NR2C2: variants seen among roughly 807,000 people sequenced by gnomAD.
NR2C2 encodes nuclear receptor subfamily 2 group C member 2.
A neutral mutation model predicts 62.9 loss-of-function variants in NR2C2; 6 were observed. The ratio of observed to expected loss-of-function variants is 0.10; its 90% CI spans 0.05 to 0.19. The LOEUF (loss-of-function observed/expected upper bound fraction) is 0.19, where lower values mean the gene tolerates loss of function less well. Among genes scored for constraint, NR2C2 ranks in the 10% least tolerant of loss-of-function variants. NR2C2 has a pLI of 1.00. For missense variants in NR2C2, 479 were observed against 762.7 expected, an observed-to-expected ratio of 0.63 and a Z score of 4.38; for synonymous variants, 272 against 273.8, an observed-to-expected ratio of 0.99 and a Z score of 0.07.
intron 1 of NR2C2, among the ~76,000 whole-genome samples, chr3:14,948,967 A>C (rs1051875882): frequency 6.6e-6 from 1 of 152,190 alleles, no homozygotes; most frequent in Non-Finnish European, 1.5e-5. Flanking sequence ...TGCGAGCTTC[A>C]GAGTCACTTG....
chr3:14,963,839 C>T (rs1180985680), intron 1 of NR2C2, among the ~76,000 whole-genome samples: 2 of 151,966 alleles, frequency 1.3e-5, no homozygotes, highest in Non-Finnish European at 2.9e-5. Flanking sequence ...CCAGTTTAAA[C>T]CGATAAAAAT....
intron 13 of NR2C2, 137 bp from the exon 14 acceptor site, chr3:15,042,697 A>T: frequency 1.4e-6 from 1 of 705,448 alleles, no homozygotes; most frequent in Non-Finnish European, 2.4e-6. Context: ...TGTTGAAATC[A>T]GAAAAGAGAG....
At chr3:14,997,172 C>G (rs959244024) in intron 1 of NR2C2, among the ~76,000 whole-genome samples, 1 of 152,178 alleles carries the variant, frequency 6.6e-6, no homozygotes, top group Non-Finnish European at 1.5e-5. Flanking sequence ...CAGATACTTA[C>G]CATTCTGTTA....
At chr3:14,989,497 T>C (rs191424817) in intron 1 of NR2C2, among the ~76,000 whole-genome samples, 5 of 152,222 alleles carry the variant, frequency 3.3e-5, no homozygotes, top group Admixed American at 2.6e-4. Context: ...AGACCTCCTA[T>C]CTTTAAGAAT....
At chr3:15,010,806 A>G (rs1425747987) in intron 2 of NR2C2, among the ~76,000 whole-genome samples, 1 of 152,126 alleles carries the variant, frequency 6.6e-6, no homozygotes, top group African/African-American at 2.4e-5. Context: ...TCTACTTCCC[A>G]ACATACCCTG....
chr3:15,032,582 C>T (rs1170116061), intron 10 of NR2C2, 82 bp downstream of exon 10: 11 of 1,548,794 alleles, frequency 7.1e-6, no homozygotes, highest in Non-Finnish European at 9.8e-6. Flanking sequence ...CTCTGAGGGC[C>T]TGTCTAGTTT....
rs1328747499 is a variant in NR2C2, at chr3:15,048,156, T to C, written c.*5148T>C. ...TTAAAAACACTTTATGAGACCATAG[T>C]ACTCAGTGCCTTTTGTGAGACAGTG... is the stretch of plus-strand genomic sequence containing the variant. On this transcript the variant is annotated 3_prime_UTR_variant, in exon 14 of 14. Coordinates refer to ENST00000425241, the MANE Select transcript of NR2C2 (RefSeq NM_001291694.2). 1 of 152,702 alleles carries C rather than the reference T, an allele frequency of 6.5e-6. No homozygotes were observed. 9.5% of individuals were successfully genotyped at this position (152,702 alleles called of 1,614,324 possible).
chr3:14,950,706 A>G (rs918247265), intron 1 of NR2C2, among the ~76,000 whole-genome samples: 15 of 152,208 alleles, frequency 9.9e-5, no homozygotes, highest in Non-Finnish European at 1.5e-5. Flanking sequence ...TGTCCTTACC[A>G]CACTGTAAGC....
At position 15,015,272 on chromosome 3, in the gene NR2C2, G is replaced by C. The variant is rs545734956; in HGVS notation, c.274-880G>C. ...AGGCTTATTGTTGGCTCAAGTTCAA[G>C]TACATTTTAAAATAACAGCTATTTT... is the stretch of plus-strand genomic sequence containing the variant. On this transcript the variant is annotated intron_variant, in intron 3 of 13. Coordinates refer to ENST00000425241, the MANE Select transcript of NR2C2 (RefSeq NM_001291694.2). 2.0e-5 allele frequency among the ~76,000 whole-genome samples: 3 copies of C among 152,326 alleles called. No homozygotes were observed. In the South Asian group the frequency reaches 6.2e-4, roughly 32 times the overall value.
rs61144575 is a variant in NR2C2, at chr3:15,032,964, A to ACC, written c.1232+473_1232+474dup. ...GAACCTGGTGTCATCTCTACAGGAA[A>ACC]CCCCCCCCCCTTTTCTTGCTTTCTT... On this transcript the variant is annotated intron_variant, in intron 10 of 13. Transcript: ENST00000425241. Among the ~76,000 whole-genome samples the ACC allele has an allele frequency of 2.3e-3, 307 of 134,826 alleles. 2 individuals are homozygous for ACC. The highest frequency in any genetic ancestry group is 6.7e-3 in the African/African-American group (247 of 36,638). 88.5% of individuals were successfully genotyped at this position (134,826 alleles called of 152,430 possible).
At chr3:15,039,935 G>C (rs2042207293) in intron 13 of NR2C2, among the ~76,000 whole-genome samples, 1 of 151,986 alleles carries the variant, frequency 6.6e-6, no homozygotes, top group Non-Finnish European at 1.5e-5. Flanking sequence ...TGGATCAGGA[G>C]GTCACGAGTT....
intron 1 of NR2C2, among the ~76,000 whole-genome samples, chr3:14,989,613 C>T (rs1043639125): frequency 9.2e-5 from 14 of 151,856 alleles, no homozygotes; most frequent in Non-Finnish European, 2.1e-4. Flanking sequence ...CATAGTAAGA[C>T]CCTGTGTCTA....
intron 1 of NR2C2, among the ~76,000 whole-genome samples, chr3:14,950,366 G>A (rs774128806): frequency 6.6e-6 from 1 of 152,154 alleles, no homozygotes; most frequent in Non-Finnish European, 1.5e-5. Flanking sequence ...TTGTTCAGGC[G>A]CCACTAGAAC....
At chr3:15,008,115 C>T (rs978560597) in intron 2 of NR2C2, among the ~76,000 whole-genome samples, 1 of 152,128 alleles carries the variant, frequency 6.6e-6, no homozygotes, top group Non-Finnish European at 1.5e-5. Flanking sequence ...AACTTGAGCC[C>T]AGGATGACCT....
At chr3:14,992,051 C>T (rs1262366170) in intron 1 of NR2C2, among the ~76,000 whole-genome samples, 2 of 152,160 alleles carry the variant, frequency 1.3e-5, no homozygotes, top group Non-Finnish European at 2.9e-5. Context: ...TGATTATAGA[C>T]ATGAGCCGCT....
chr3:15,028,798 T>C, intron 8 of NR2C2, 79 bp downstream of exon 8: 2 of 1,465,932 alleles, frequency 1.4e-6, no homozygotes, highest in Non-Finnish European at 1.9e-6. Flanking sequence ...AACAGCATTT[T>C]GGTACCTGTG....
Position 15,016,202 on chromosome 3 carries a change from C to T in NR2C2, c.324C>T (p.Val108=). The T allele has an allele frequency of 1.2e-6, 2 of 1,614,130 alleles. No homozygotes were observed. The highest frequency in any genetic ancestry group is 1.7e-6 in the Non-Finnish European group (2 of 1,179,998). Reference sequence around the variant, plus strand: ...AGCGTTTACTGGGGAAGACGGACGTCCAGCGGCCCCAGGTGGTAGAGTACT... The same window carrying T: ...AGCGTTTACTGGGGAAGACGGACGTTCAGCGGCCCCAGGTGGTAGAGTACT... ...SVERLLGKTD[V]QRPQVVEYCV... Residue 108 remains valine (V), a synonymous_variant, in exon 4 of 14, where the codon GTC becomes GTT. Coordinates refer to ENST00000425241, the MANE Select transcript of NR2C2 (RefSeq NM_001291694.2).
intron 1 of NR2C2, among the ~76,000 whole-genome samples, chr3:14,973,207 G>A (rs958328411): frequency 6.6e-6 from 1 of 152,000 alleles, no homozygotes; most frequent in Non-Finnish European, 1.5e-5. Context: ...TTATCGCCAA[G>A]TCCAATGTCA....
Position 15,039,178 on chromosome 3 carries a change from A to G in NR2C2, c.1567A>G (p.Met523Val). 1 of 1,614,168 alleles carries G rather than the reference A, an allele frequency of 6.2e-7. No individual in the cohort carries two copies. Among genetic ancestry groups the G allele is most frequent in the African/African-American group, 1.3e-5 (1 of 75,036 alleles). The change falls in exon 13 of 14, where the codon ATG becomes GTG. Residue 523 changes from methionine (M) to valine (V), a missense_variant. Around this residue, in one of 4 missense-constraint regions of NR2C2, gnomAD observed 162 missense variants for 296.8 expected, o/e 0.55. Coordinates refer to ENST00000425241, the MANE Select transcript of NR2C2 (RefSeq NM_001291694.2). ...QIEKFQEKAQ[M>V]ELQDYVQKTY... ...TGAAAAATTCCAAGAAAAGGCACAG[A>G]TGGAGTTGCAGGACTATGTTCAGAA...
Sources: allele counts gnomAD v4.1 joint callset (sites outside exome capture counted in the v4.1 genomes callset), GRCh38; gene constraint gnomAD v4.1.1; regional missense constraint gnomAD v4.1.1; transcripts MANE v1.5; gene names NCBI Gene and HGNC (gene_info 2026-07-23, HGNC 2026-07-21).